Variants in CFAP54 observed in about 807,000 individuals in gnomAD.
CFAP54 encodes cilia- and flagella-associated protein 54.
CFAP54 carries 290 observed loss-of-function variants against 370.4 expected under a neutral mutation model. That is an observed-to-expected ratio of 0.78 (90% CI 0.71 to 0.86). The LOEUF (loss-of-function observed/expected upper bound fraction) is 0.86. Ranked by LOEUF, CFAP54 falls within the 40% of genes least tolerant of loss-of-function variation. The probability of loss-of-function intolerance (pLI) is 0.00; values close to 1 mark genes in which losing one functional copy is unlikely to be tolerated. For missense variants in CFAP54, 3,399 were observed against 3,528.7 expected (o/e 0.96, Z 0.93); for synonymous variants, 1,206 against 1,236.5 (o/e 0.98, Z 0.52).
chr12:96,581,135 C>CTT, intron 22 of CFAP54, 30 bp downstream of exon 22: 1 of 1,375,756 alleles, frequency 7.3e-7, no homozygotes, highest in Non-Finnish European at 9.5e-7. Context: ...ATTTTTTCCA[C>CTT]TGTGTTTTTT....
At chr12:96,593,470 A>G (rs1374421018) in intron 24 of CFAP54, among the ~76,000 whole-genome samples, 1 of 152,124 alleles carries the variant, frequency 6.6e-6, no homozygotes, top group Non-Finnish European at 1.5e-5. Flanking sequence ...GCCCCAGACA[A>G]GTTCACTGTC....
At position 96,765,153 on chromosome 12, in the gene CFAP54, C is replaced by T; in HGVS notation, c.8216C>T (p.Ala2739Val). Residue 2739 changes from alanine to valine, a missense_variant, in exon 60 of 68, where the codon GCA (alanine) becomes GTA (valine). Physicochemically the swap from Ala to Val is moderately conservative, Grantham distance 64. Transcript: ENST00000524981. ...NTRMHKVNQV[A>V]LPNIPEFAAL... ...AGAATGCATAAAGTTAACCAAGTGG[C>T]ATTACCAAATATCCCAGAATTTGCT... is the stretch of plus-strand genomic sequence containing the variant. The T allele has an allele frequency of 6.5e-7, 1 of 1,541,960 alleles. No homozygotes were observed. The highest frequency in any genetic ancestry group is 8.8e-7 in the Non-Finnish European group (1 of 1,131,094).
chr12:96,638,866 C>T (rs1419705831), intron 32 of CFAP54, among the ~76,000 whole-genome samples: 2 of 152,168 alleles, frequency 1.3e-5, no homozygotes, highest in African/African-American at 2.4e-5. Context: ...ATTCCCACTT[C>T]ATAGGGAACG....
intron 51 of CFAP54, among the ~76,000 whole-genome samples, chr12:96,740,651 T>G (rs193063955): frequency 1.3e-5 from 2 of 152,358 alleles, no homozygotes; most frequent in African/African-American, 4.8e-5. Flanking sequence ...ATCGCTAATA[T>G]CTAGCATCAT....
intron 38 of CFAP54, 58 bp downstream of exon 38, chr12:96,658,404 T>C: frequency 1.3e-6 from 2 of 1,562,600 alleles, no homozygotes; most frequent in Non-Finnish European, 1.8e-6. Context: ...AGTCCACATA[T>C]AAAATACAAA....
Position 96,753,735 on chromosome 12 carries a change from T to A in CFAP54, c.7685-8T>A, listed in dbSNP as rs1592743176. ...TTGTTCTTCCCCACCGAACTGTTTT[T>A]CTTTTAGGACATACAGTGGCCAAGC... is the stretch of plus-strand genomic sequence containing the variant. On this transcript the variant is annotated splice_polypyrimidine_tract_variant and splice_region_variant and intron_variant, in intron 55 of 67. Transcript: ENST00000524981. 3 of 1,610,728 alleles carry A rather than the reference T, an allele frequency of 1.9e-6. No individual in the cohort carries two copies. The highest frequency in any genetic ancestry group is 2.2e-5 in the East Asian group (1 of 44,806).
intron 34 of CFAP54, among the ~76,000 whole-genome samples, chr12:96,648,580 C>CTTTTT (rs11303164): frequency 6.8e-5 from 4 of 58,664 alleles, no homozygotes; most frequent in African/African-American, 6.8e-5. Flanking sequence ...AAACAGGGTT[C>CTTTTT]TTTTTTTTTT....
chr12:96,772,274 C>T (rs1958470307), intron 60 of CFAP54, among the ~76,000 whole-genome samples: 1 of 152,100 alleles, frequency 6.6e-6, no homozygotes, highest in African/African-American at 2.4e-5. Flanking sequence ...TCTTTTGGTT[C>T]TGGAGGTCAG....
At chr12:96,849,043 A>T (rs1196553737) in intron 66 of CFAP54, among the ~76,000 whole-genome samples, 1 of 152,218 alleles carries the variant, frequency 6.6e-6, no homozygotes, top group Non-Finnish European at 1.5e-5. Context: ...ATCACCAGTC[A>T]TTCATGATAT....
chr12:96,796,956 A>G (rs1958769668), intron 63 of CFAP54, among the ~76,000 whole-genome samples: 1 of 152,144 alleles, frequency 6.6e-6, no homozygotes, highest in Admixed American at 6.6e-5. Context: ...TAATATATGC[A>G]TTTTGAAGCT....
intron 63 of CFAP54, among the ~76,000 whole-genome samples, chr12:96,807,096 G>C (rs1958889944): frequency 6.6e-6 from 1 of 152,116 alleles, no homozygotes; most frequent in Non-Finnish European, 1.5e-5. Flanking sequence ...AGGTTCCATT[G>C]GAAACCTTCT....
At chr12:96,791,767 T>G (rs1387104353) in intron 62 of CFAP54, among the ~76,000 whole-genome samples, 1 of 152,158 alleles carries the variant, frequency 6.6e-6, no homozygotes, top group African/African-American at 2.4e-5. Context: ...CATGGGCGTT[T>G]TCCCTGCTAG....
intron 66 of CFAP54, among the ~76,000 whole-genome samples, chr12:96,831,437 C>T (rs1391507030): frequency 1.3e-5 from 2 of 152,150 alleles, no homozygotes; most frequent in East Asian, 1.9e-4. Flanking sequence ...AATTCATTTA[C>T]TTATGATCTA....
rs74464279 is a variant in CFAP54, at chr12:96,830,542, T to C, written c.9171+1454T>C. Reference sequence around the variant, plus strand: ...AAATATCTCTTCAATTATTCACCCATTTTAAAATTGGTATATACATTTTGA... The same window carrying C: ...AAATATCTCTTCAATTATTCACCCACTTTAAAATTGGTATATACATTTTGA... On this transcript the variant is annotated intron_variant, in intron 66 of 67. Coordinates refer to ENST00000524981, the MANE Select transcript of CFAP54 (RefSeq NM_001306084.2). Among the ~76,000 whole-genome samples the C allele has an allele frequency of 9.5e-3, 1,451 of 152,336 alleles. 55 individuals are homozygous for C. The East Asian group carries it at 0.1, about 10-fold the overall frequency.
intron 62 of CFAP54, among the ~76,000 whole-genome samples, chr12:96,788,877 C>A (rs141409394): frequency 7.8e-4 from 119 of 152,320 alleles, no homozygotes; most frequent in African/African-American, 2.6e-3. Flanking sequence ...AAACGACTTC[C>A]TCTCTCCTAG....
chr12:96,822,477 C>T (rs1959044564), intron 65 of CFAP54, among the ~76,000 whole-genome samples: 1 of 152,174 alleles, frequency 6.6e-6, no homozygotes, highest in Admixed American at 6.5e-5. Context: ...CATCAATTCA[C>T]AAATTCTTTT....
Position 96,614,813 on chromosome 12 carries a change from G to A in CFAP54, c.3640-6777G>A, listed in dbSNP as rs574024323. Among the ~76,000 whole-genome samples, 15 of 152,176 alleles carry A rather than the reference G, an allele frequency of 9.9e-5. No individual in the cohort carries two copies. The South Asian group carries it at 3.1e-3, about 32-fold the overall frequency. On this transcript the variant is annotated intron_variant, in intron 26 of 67. Transcript: ENST00000524981. The stretch of plus-strand genomic sequence containing the variant: ...AAATACAACTTACAAGGGATGTGAA[G>A]GACCTCTTCAAGGAGAACTACAAAC...
At chr12:96,618,798 G>A (rs1291264813) in intron 26 of CFAP54, among the ~76,000 whole-genome samples, 1 of 152,132 alleles carries the variant, frequency 6.6e-6, no homozygotes, top group Non-Finnish European at 1.5e-5. Flanking sequence ...TGCATTTCCT[G>A]ACTTGCTGGC....
intron 33 of CFAP54, chr12:96,646,492 G>T (rs11108610): frequency 0.79 from 120,285 of 152,154 alleles, 47,734 homozygotes; most frequent in East Asian, 0.86. Context: ...ACTTTTACAC[G>T]GTTGGTGGGA....
Sources: allele counts gnomAD v4.1 joint callset (sites outside exome capture counted in the v4.1 genomes callset), GRCh38; gene constraint gnomAD v4.1.1; transcripts MANE v1.5; gene names NCBI Gene and HGNC (gene_info 2026-07-23, HGNC 2026-07-21).